ZNF24: variants seen among roughly 807,000 people sequenced by gnomAD.
ZNF24 encodes retinoic acid suppression protein A.
A neutral mutation model predicts 40.9 loss-of-function variants in ZNF24; 11 were observed. The ratio of observed to expected loss-of-function variants is 0.27; its 90% CI spans 0.17 to 0.45. The LOEUF is 0.45. Ranked by LOEUF, ZNF24 falls within the 20% of genes least tolerant of loss-of-function variation. The probability of loss-of-function intolerance (pLI) is 1.00; values close to 1 mark genes in which losing one functional copy is unlikely to be tolerated. For missense variants in ZNF24, 293 were observed against 437.7 expected (o/e 0.67, Z 2.95); for synonymous variants, 139 against 154.7 (o/e 0.90, Z 0.75).
chr18:35,344,098 G>A (rs1392158445), intron 1 of ZNF24, among the ~76,000 whole-genome samples: 1 of 152,100 alleles, frequency 6.6e-6, no homozygotes, highest in Non-Finnish European at 1.5e-5. Flanking sequence ...GAACAAAACC[G>A]GCCGGTGGGG....
chr18:35,337,224 TC>T lies in ZNF24; in HGVS notation c.*7del. 1.7e-5 allele frequency: 24 copies of T among 1,427,110 alleles called. No homozygotes were observed. Among genetic ancestry groups the T allele is most frequent in the South Asian group, 7.2e-5 (4 of 55,356 alleles). The allele number at this position is 1,427,110 out of a possible 1,614,324, so 88.4% of individuals were successfully genotyped here. A position where few individuals can be genotyped will look rare whatever the true frequency, so the allele number is the denominator to read the frequency against. Reference sequence around the variant, plus strand: ...CTGAGTGCTGATTCTTTTTTTTTTTTCAATTTCTTAAACTTTCACAACATTC... The same window carrying T: ...CTGAGTGCTGATTCTTTTTTTTTTTTAATTTCTTAAACTTTCACAACATTC... On this transcript the variant is annotated 3_prime_UTR_variant, in exon 4 of 4. Transcript: ENST00000261332.
In ZNF24 at chr18:35,334,293, G is replaced by A. The variant is rs1399859321; in HGVS notation, c.*2939C>T. On this transcript the variant is annotated 3_prime_UTR_variant, in exon 4 of 4. Coordinates refer to ENST00000261332, the MANE Select transcript of ZNF24 (RefSeq NM_006965.4). ...CCACCACCCATGGCATGGTGAATAT[G>A]TCCCTGGAGTCTACAGAACCAGATT... The A allele has an allele frequency of 6.6e-6, 1 of 152,186 alleles. No homozygotes were observed. Among genetic ancestry groups the A allele is most frequent in the African/African-American group, 2.4e-5 (1 of 41,436 alleles). 9.4% of individuals were successfully genotyped at this position (152,186 alleles called of 1,614,324 possible).
chr18:35,337,203 G>A lies in ZNF24; in HGVS notation c.*29C>T. On this transcript the variant is annotated 3_prime_UTR_variant, in exon 4 of 4. Coordinates refer to ENST00000261332, the MANE Select transcript of ZNF24 (RefSeq NM_006965.4). ...TTCATTTCTGAAGAAAAAGACCTGA[G>A]TGCTGATTCTTTTTTTTTTTTCAAT... is the stretch of plus-strand genomic sequence containing the variant. The A allele has an allele frequency of 2.8e-6, 4 of 1,417,908 alleles. No homozygotes were observed. Among genetic ancestry groups the A allele is most frequent in the Non-Finnish European group, 3.7e-6 (4 of 1,075,804 alleles). The allele number at this position is 1,417,908 out of a possible 1,614,324, so 87.8% of individuals were successfully genotyped here. A position where few individuals can be genotyped will look rare whatever the true frequency, so the allele number is the denominator to read the frequency against.
chr18:35,333,737 C>A lies in ZNF24; in HGVS notation c.*3495G>T, dbSNP rs2044878785. ...AGTTTTCAAAACTGCAAATGTGAAA[C>A]CTGATCCAATAAATTTCTAGTTATT... is the stretch of plus-strand genomic sequence containing the variant. On this transcript the variant is annotated 3_prime_UTR_variant, in exon 4 of 4. Coordinates refer to ENST00000261332, the MANE Select transcript of ZNF24 (RefSeq NM_006965.4). 6.6e-6 allele frequency: 1 copy of A among 152,056 alleles called. No homozygotes were observed. Among genetic ancestry groups the A allele is most frequent in the Non-Finnish European group, 1.5e-5 (1 of 68,014 alleles). The allele number at this position is 152,056 out of a possible 1,614,324, so 9.4% of individuals were successfully genotyped here.
chr18:35,343,514 C>A, intron 1 of ZNF24, among the ~76,000 whole-genome samples: 1 of 152,200 alleles, frequency 6.6e-6, no homozygotes, highest in South Asian at 2.1e-4. Flanking sequence ...AAAATCTGAA[C>A]AATAACAACT....
At chr18:35,338,723 C>CA (rs1569102957) in intron 3 of ZNF24, 2 of 1,161,912 alleles carry the variant, frequency 1.7e-6, no homozygotes, top group Non-Finnish European at 1.1e-6. Context: ...ACTTGAAAAA[C>CA]AGAGGAGCGT....
chr18:35,341,031 A>C (rs1444715047), intron 1 of ZNF24, among the ~76,000 whole-genome samples: 2 of 152,248 alleles, frequency 1.3e-5, no homozygotes, highest in African/African-American at 4.8e-5. Context: ...TAGGGAATGG[A>C]GCTCCCCAAA....
chr18:35,340,096 T>C lies in ZNF24; in HGVS notation c.421-120A>G, dbSNP rs1268089094. 1.2e-5 allele frequency: 18 copies of C among 1,483,956 alleles called. No homozygotes were observed. The highest frequency in any genetic ancestry group is 2.3e-5 in the East Asian group (1 of 43,826). The allele number at this position is 1,483,956 out of a possible 1,614,324, so 91.9% of individuals were successfully genotyped here. A position where few individuals can be genotyped will look rare whatever the true frequency, so the allele number is the denominator to read the frequency against. On this transcript the variant is annotated intron_variant, in intron 2 of 3. Transcript: ENST00000261332. This position sits in a 1 kb window ranked among gnomAD's most constrained non-coding sequence, Gnocchi z 4.6. ...AGCCTAGATGGCAAAGCGGCACAGATAACAAGGAGTGGTAGGGGAATGGGG... is the reference window on the plus strand; with the variant it reads ...AGCCTAGATGGCAAAGCGGCACAGACAACAAGGAGTGGTAGGGGAATGGGG...
In ZNF24 at chr18:35,340,250, A is replaced by G; in HGVS notation, c.401T>C (p.Leu134Pro). ...GCTCACCGGTTGTCCAGGGTCATCA[A>G]GTTCACTCTCCAAATCCTCCAGCAC... The part of the protein sequence containing the change: ...VTVLEDLESE[L>P]DDPGQPVSLR... Residue 134 changes from leucine (L) to proline (P), a missense_variant, in exon 2 of 4, where the codon CTT becomes CCT. Physicochemically the swap from Leu to Pro is moderately conservative, Grantham distance 98. Transcript: ENST00000261332. This position sits in a 1 kb window ranked among gnomAD's most constrained non-coding sequence, Gnocchi z 4.6. 1 of 1,613,288 alleles carries G rather than the reference A, an allele frequency of 6.2e-7. No individual in the cohort carries two copies. Among genetic ancestry groups the G allele is most frequent in the South Asian group, 1.1e-5 (1 of 91,076 alleles).
Position 35,340,100 on chromosome 18 carries a change from A to T in ZNF24, c.421-124T>A. The T allele has an allele frequency of 6.8e-7, 1 of 1,481,266 alleles. No individual in the cohort carries two copies. The highest frequency in any genetic ancestry group is 1.3e-5 in the South Asian group (1 of 76,898). The allele number at this position is 1,481,266 out of a possible 1,614,324, so 91.8% of individuals were successfully genotyped here. ...TAGATGGCAAAGCGGCACAGATAACAAGGAGTGGTAGGGGAATGGGGGAAA... is the reference window on the plus strand; with the variant it reads ...TAGATGGCAAAGCGGCACAGATAACTAGGAGTGGTAGGGGAATGGGGGAAA... On this transcript the variant is annotated intron_variant, in intron 2 of 3. Transcript: ENST00000261332. The surrounding 1 kb of genome is among the most constrained non-coding windows in gnomAD (Gnocchi z 4.6).
At chr18:35,341,425 G>A (rs1331871924) in intron 1 of ZNF24, among the ~76,000 whole-genome samples, 1 of 152,128 alleles carries the variant, frequency 6.6e-6, no homozygotes, top group Non-Finnish European at 1.5e-5. Flanking sequence ...AATAATAAAC[G>A]ACTATGTTAC....
rs997473266 is a variant in ZNF24, at chr18:35,332,239, A to T, written c.*4993T>A. ...GACACAGGCCAAATCATGGAAGGCCATGCTAATTTTATTAACTTATATAGT... is the reference window on the plus strand; with the variant it reads ...GACACAGGCCAAATCATGGAAGGCCTTGCTAATTTTATTAACTTATATAGT... On this transcript the variant is annotated 3_prime_UTR_variant, in exon 4 of 4. Transcript: ENST00000261332. 2 of 152,256 alleles carry T rather than the reference A, an allele frequency of 1.3e-5. No individual in the cohort carries two copies. Among genetic ancestry groups the T allele is most frequent in the Non-Finnish European group, 1.5e-5 (1 of 68,040 alleles). 9.4% of individuals were successfully genotyped at this position (152,256 alleles called of 1,614,324 possible).
rs1016547419 is a variant in ZNF24, at chr18:35,332,954, C to T, written c.*4278G>A. 1.3e-5 allele frequency: 2 copies of T among 151,964 alleles called. No individual in the cohort carries two copies. Among genetic ancestry groups the T allele is most frequent in the Non-Finnish European group, 2.9e-5 (2 of 67,962 alleles). 9.4% of individuals were successfully genotyped at this position (151,964 alleles called of 1,614,324 possible). A position where few individuals can be genotyped will look rare whatever the true frequency, so the allele number is the denominator to read the frequency against. ...TGCAAAATAAGAAAAGGTTCTTTTT[C>T]GCCCAACAGATAAAAACTATCAAGT... On this transcript the variant is annotated 3_prime_UTR_variant, in exon 4 of 4. Coordinates refer to ENST00000261332, the MANE Select transcript of ZNF24 (RefSeq NM_006965.4).
chr18:35,342,835 T>A (rs996199554), intron 1 of ZNF24, among the ~76,000 whole-genome samples: 1 of 152,226 alleles, frequency 6.6e-6, no homozygotes, highest in African/African-American at 2.4e-5. Flanking sequence ...TTATTTACTA[T>A]ATGGCCGCTT....
At chr18:35,338,792 A>G in intron 3 of ZNF24, 9 of 1,333,194 alleles carry the variant, frequency 6.8e-6, no homozygotes, top group Non-Finnish European at 8.6e-6. Context: ...TGTGGAAGAG[A>G]CTAGACAGCT....
chr18:35,333,353 T>C lies in ZNF24; in HGVS notation c.*3879A>G, dbSNP rs1284083714. On this transcript the variant is annotated 3_prime_UTR_variant, in exon 4 of 4. Coordinates refer to ENST00000261332, the MANE Select transcript of ZNF24 (RefSeq NM_006965.4). ...AAAAGTGTTTTTATGTGTATGTATATTCGTACGGAAAGGTGACTAGAGGAT... is the reference window on the plus strand; with the variant it reads ...AAAAGTGTTTTTATGTGTATGTATACTCGTACGGAAAGGTGACTAGAGGAT... The C allele has an allele frequency of 6.6e-6, 1 of 152,184 alleles. No individual in the cohort carries two copies. The highest frequency in any genetic ancestry group is 2.4e-5 in the African/African-American group (1 of 41,452). The allele number at this position is 152,184 out of a possible 1,614,324, so 9.4% of individuals were successfully genotyped here. A position where few individuals can be genotyped will look rare whatever the true frequency, so the allele number is the denominator to read the frequency against.
rs1039108854 is a variant in ZNF24 at position 35,341,806 on chromosome 18, A to AC, written c.-83-1074dup. Among the ~76,000 whole-genome samples, 81 of 152,144 alleles carry AC rather than the reference A, an allele frequency of 5.3e-4. 1 individual carries two copies. The highest frequency in any genetic ancestry group is 1.9e-3 in the African/African-American group (79 of 41,508). On this transcript the variant is annotated intron_variant, in intron 1 of 3. Coordinates refer to ENST00000261332, the MANE Select transcript of ZNF24 (RefSeq NM_006965.4). ...GGCTGAGGCAGGAGGATCACTAAAG[A>AC]CCAGGAGTTCAAGGCTCCACTGAGC...
intron 1 of ZNF24, among the ~76,000 whole-genome samples, 151 bp downstream of exon 1, chr18:35,344,209 C>G (rs2044996230): frequency 1.3e-5 from 2 of 152,354 alleles, no homozygotes; most frequent in South Asian, 4.1e-4. Flanking sequence ...CCCCGCCCCA[C>G]AACTGCTAGG....
At position 35,337,130 on chromosome 18, in the gene ZNF24, C is replaced by T. The variant is rs2044917857; in HGVS notation, c.*102G>A. On this transcript the variant is annotated 3_prime_UTR_variant, in exon 4 of 4. Coordinates refer to ENST00000261332, the MANE Select transcript of ZNF24 (RefSeq NM_006965.4). The stretch of plus-strand genomic sequence containing the variant: ...ATTTCCCAGTGGATTTTCTGACAGT[C>T]AATAGGGAAAAAACTATTCTGCATC... 5 of 948,900 alleles carry T rather than the reference C, an allele frequency of 5.3e-6. No individual in the cohort carries two copies. In the South Asian group the frequency reaches 1.7e-4, roughly 33 times the overall value. 58.8% of individuals were successfully genotyped at this position (948,900 alleles called of 1,614,324 possible). A position where few individuals can be genotyped will look rare whatever the true frequency, so the allele number is the denominator to read the frequency against.
Sources: allele counts gnomAD v4.1 joint callset (sites outside exome capture counted in the v4.1 genomes callset), GRCh38; gene constraint gnomAD v4.1.1; non-coding constraint Gnocchi (gnomAD v3.1); transcripts MANE v1.5; gene names NCBI Gene and HGNC (gene_info 2026-07-23, HGNC 2026-07-21).